Variants in CACNA2D1 observed in about 807,000 individuals in gnomAD.
CACNA2D1 encodes the protein calcium voltage-gated channel auxiliary subunit alpha2delta 1, also known as voltage-dependent calcium channel subunit alpha-2/delta-1.
In CACNA2D1, 53 loss-of-function variants were observed where a neutral mutation model predicts 171.5. The observed-to-expected ratio is 0.31, with a 90% CI of 0.25 to 0.39. The LOEUF (loss-of-function observed/expected upper bound fraction) is 0.39. CACNA2D1 is among the 10% of genes least tolerant of loss of function. The pLI, the probability that CACNA2D1 is intolerant of heterozygous loss-of-function variation, is 1.00. For synonymous variants in CACNA2D1, 442 were observed against 443.1 expected (o/e 1.00, Z 0.03); for missense variants, 903 against 1,299.8 (o/e 0.69, Z 4.69).
In CACNA2D1 at chr7:81,964,213, T is replaced by A. The variant is rs758369222; in HGVS notation, c.2721A>T (p.Ala907=). 6.8e-6 allele frequency: 11 copies of A among 1,612,734 alleles called. No homozygotes were observed. Among genetic ancestry groups the A allele is most frequent in the African/African-American group, 2.7e-5 (2 of 74,816 alleles). Reference sequence around the variant, plus strand: ...GACCGTGGATATTACTGACCACATATGCTGAGCGATGTCCTGCTCCTTGTT... The same window carrying A: ...GACCGTGGATATTACTGACCACATAAGCTGAGCGATGTCCTGCTCCTTGTT... The part of the protein sequence containing the change: ...APKQGAGHRS[A]YVPSVADILQ... Residue 907 remains alanine, a synonymous_variant, in exon 33 of 39, where the codon GCA becomes GCT. Coordinates refer to ENST00000356860, the MANE Select transcript of CACNA2D1 (RefSeq NM_000722.4).
At chr7:82,019,419 T>C (rs1490506621) in intron 12 of CACNA2D1, among the ~76,000 whole-genome samples, 1 of 152,228 alleles carries the variant, frequency 6.6e-6, no homozygotes. Flanking sequence ...ACTATTTTTC[T>C]TCTGAAAGGA....
chr7:82,272,745 G>C (rs534499395), intron 3 of CACNA2D1, among the ~76,000 whole-genome samples: 19 of 152,230 alleles, frequency 1.2e-4, no homozygotes, highest in African/African-American at 4.6e-4. Flanking sequence ...ACTTATTTCT[G>C]AATGTTTCCG....
chr7:82,025,771 T>A (rs1478477774), intron 12 of CACNA2D1, among the ~76,000 whole-genome samples: 1 of 151,740 alleles, frequency 6.6e-6, no homozygotes, highest in Non-Finnish European at 1.5e-5. Flanking sequence ...TTCTATTGGG[T>A]CAAATGTTCT....
chr7:82,350,108 G>A (rs931108602), intron 1 of CACNA2D1, among the ~76,000 whole-genome samples: 27 of 152,094 alleles, frequency 1.8e-4, no homozygotes, highest in Non-Finnish European at 3.8e-4. Context: ...CCCTTCTAGT[G>A]TTTTAAAATT....
At chr7:82,339,899 AAAG>A (rs1228958898) in intron 2 of CACNA2D1, among the ~76,000 whole-genome samples, 3 of 152,194 alleles carry the variant, frequency 2.0e-5, no homozygotes, top group East Asian at 1.9e-4. Context: ...GCTGGACTTA[AAAG>A]AAGATTACCC....
Position 81,982,545 on chromosome 7 carries a change from T to C in CACNA2D1, c.1955+22A>G, listed in dbSNP as rs201840153. ...GGCCTAGCTACTGATAGAAGATGTA[T>C]CAAAAATACAACAAAACCAACCTTG... On this transcript the variant is annotated intron_variant, in intron 24 of 38. Transcript: ENST00000356860. 17 of 1,450,560 alleles carry C rather than the reference T, an allele frequency of 1.2e-5. No individual in the cohort carries two copies. The African/African-American group carries it at 2.1e-4, about 18-fold the overall frequency. The allele number at this position is 1,450,560 out of a possible 1,614,324, so 89.9% of individuals were successfully genotyped here. A position where few individuals can be genotyped will look rare whatever the true frequency, so the allele number is the denominator to read the frequency against.
chr7:82,075,409 A>C (rs1012344484), intron 7 of CACNA2D1, among the ~76,000 whole-genome samples: 3 of 152,206 alleles, frequency 2.0e-5, no homozygotes, highest in Non-Finnish European at 4.4e-5. Context: ...AATCCTTTAG[A>C]TGTCCCATAA....
intron 38 of CACNA2D1, among the ~76,000 whole-genome samples, chr7:81,951,967 G>GTGTTTTTTTTTTTTTGTTGT (rs1562762272): frequency 1.1e-4 from 3 of 27,530 alleles, no homozygotes; most frequent in African/African-American, 4.8e-4. Context: ...AGTGTACAAA[G>GTGTTTTTTTTTTTTTGTTGT]TGTTTTTTTT....
At chr7:82,230,922 G>A (rs1452733540) in intron 3 of CACNA2D1, among the ~76,000 whole-genome samples, 1 of 152,190 alleles carries the variant, frequency 6.6e-6, no homozygotes, top group East Asian at 1.9e-4. Flanking sequence ...AGCTGCTTGA[G>A]GCAGGCGCCA....
chr7:82,291,999 A>ATG (rs1467240490), intron 3 of CACNA2D1, among the ~76,000 whole-genome samples: 2 of 149,454 alleles, frequency 1.3e-5, no homozygotes, highest in African/African-American at 5.0e-5. Flanking sequence ...ACACACATGC[A>ATG]CGCACACACA....
chr7:82,199,228 T>C (rs1799168106), intron 3 of CACNA2D1, among the ~76,000 whole-genome samples: 1 of 152,176 alleles, frequency 6.6e-6, no homozygotes, highest in Non-Finnish European at 1.5e-5. Flanking sequence ...ATATTGACGA[T>C]TCTATGTGTG....
chr7:82,053,562 G>A (rs1307518263), intron 10 of CACNA2D1, among the ~76,000 whole-genome samples: 1 of 152,092 alleles, frequency 6.6e-6, no homozygotes, highest in South Asian at 2.1e-4. Flanking sequence ...AAGTAAATAA[G>A]TAACCAAAAC....
chr7:82,366,663 A>C (rs1481590417), intron 1 of CACNA2D1, among the ~76,000 whole-genome samples: 1 of 152,146 alleles, frequency 6.6e-6, no homozygotes, highest in Non-Finnish European at 1.5e-5. Flanking sequence ...GCTATTGTGA[A>C]TAGCACTGCA....
Position 82,074,033 on chromosome 7 carries a change from G to A in CACNA2D1, c.659-7509C>T, listed in dbSNP as rs372604594. Among the ~76,000 whole-genome samples the A allele has an allele frequency of 1.1e-3, 164 of 152,270 alleles. 2 individuals are homozygous for A. The highest frequency in any genetic ancestry group is 7.3e-3 in the Admixed American group (112 of 15,282). The stretch of plus-strand genomic sequence containing the variant: ...ATAAAACAAAAAAATTAAAAGTGGA[G>A]AAAATATAATACAGGGGTAAACAAT... On this transcript the variant is annotated intron_variant, in intron 7 of 38. Coordinates refer to ENST00000356860, the MANE Select transcript of CACNA2D1 (RefSeq NM_000722.4).
intron 1 of CACNA2D1, among the ~76,000 whole-genome samples, chr7:82,357,706 T>G (rs1465392091): frequency 8.1e-6 from 1 of 124,210 alleles, no homozygotes; most frequent in Admixed American, 9.1e-5. Flanking sequence ...GAAGAGGGCT[T>G]GTTGTGGGGT....
At chr7:82,334,772 G>T (rs1817784877) in intron 3 of CACNA2D1, among the ~76,000 whole-genome samples, 1 of 151,988 alleles carries the variant, frequency 6.6e-6, no homozygotes, top group South Asian at 2.1e-4. Context: ...AACTAAAGAG[G>T]ATGATAATAT....
At chr7:82,307,202 G>C (rs1291038160) in intron 3 of CACNA2D1, among the ~76,000 whole-genome samples, 3 of 152,066 alleles carry the variant, frequency 2.0e-5, no homozygotes, top group Non-Finnish European at 2.9e-5. Flanking sequence ...CTGTTGCCCA[G>C]GCTGGAGTGT....
At chr7:82,258,808 C>CCTTTT (rs1563270215) in intron 3 of CACNA2D1, among the ~76,000 whole-genome samples, 1 of 76,336 alleles carries the variant, frequency 1.3e-5, no homozygotes, top group Non-Finnish European at 2.8e-5. Flanking sequence ...TTCTTTCTTT[C>CCTTTT]TTACTTTTCT....
At chr7:82,096,419 G>C (rs902781998) in intron 6 of CACNA2D1, among the ~76,000 whole-genome samples, 1 of 152,022 alleles carries the variant, frequency 6.6e-6, no homozygotes, top group African/African-American at 2.4e-5. Flanking sequence ...AGAACATCAT[G>C]AGTGCTCTTT....
Sources: allele counts gnomAD v4.1 joint callset (sites outside exome capture counted in the v4.1 genomes callset), GRCh38; gene constraint gnomAD v4.1.1; transcripts MANE v1.5; gene names NCBI Gene and HGNC (gene_info 2026-07-23, HGNC 2026-07-21).